The following NCAM2 variants were observed in gnomAD, a reference collection of about 807,000 sequenced individuals.
NCAM2 encodes the protein neural cell adhesion molecule 2.
NCAM2 carries 30 observed loss-of-function variants against 98.1 expected under a neutral mutation model. The ratio of observed to expected loss-of-function variants is 0.31; its 90% CI spans 0.23 to 0.41. NCAM2 has a LOEUF of 0.41. Among genes scored for constraint, NCAM2 ranks in the 10% least tolerant of loss-of-function variants. The pLI, the probability that NCAM2 is intolerant of heterozygous loss-of-function variation, is 1.00. For missense variants in NCAM2, 867 were observed against 1,005.8 expected, an observed-to-expected ratio of 0.86 and a Z score of 1.87; for synonymous variants, 368 against 342.4, an observed-to-expected ratio of 1.07 and a Z score of -0.83.
chr21:21,529,029 A>G (rs950437061), intron 16 of NCAM2, among the ~76,000 whole-genome samples: 4 of 152,128 alleles, frequency 2.6e-5, no homozygotes, highest in Non-Finnish European at 5.9e-5. Context: ...TATTTGAATC[A>G]TTTTCATCCT....
At chr21:21,140,368 G>T (rs1209514679) in intron 1 of NCAM2, among the ~76,000 whole-genome samples, 2 of 151,966 alleles carry the variant, frequency 1.3e-5, no homozygotes, top group African/African-American at 4.8e-5. Context: ...TGCACATCAG[G>T]GTCTCTGGGC....
chr21:21,282,359 T>C (rs1029124379), intron 2 of NCAM2, among the ~76,000 whole-genome samples: 15 of 151,922 alleles, frequency 9.9e-5, no homozygotes, highest in African/African-American at 3.6e-4. Flanking sequence ...TTAAAGTGAA[T>C]TAAGGCCATT....
chr21:21,232,633 G>C (rs1485270385), intron 1 of NCAM2, among the ~76,000 whole-genome samples: 6 of 151,488 alleles, frequency 4.0e-5, no homozygotes, highest in African/African-American at 1.5e-4. Context: ...CCATTAATAG[G>C]ACTAATTTTT....
chr21:21,225,487 G>A (rs1030261172), intron 1 of NCAM2, among the ~76,000 whole-genome samples: 2 of 151,998 alleles, frequency 1.3e-5, no homozygotes, highest in African/African-American at 4.8e-5. Context: ...GCAGTTTATA[G>A]AATTTCTCAA....
intron 9 of NCAM2, among the ~76,000 whole-genome samples, chr21:21,404,164 T>G (rs1298107289): frequency 6.6e-6 from 1 of 152,174 alleles, no homozygotes; most frequent in African/African-American, 2.4e-5. Flanking sequence ...ACAAATAAAA[T>G]AGATAACTCA....
chr21:21,155,212 C>T (rs1279845769), intron 1 of NCAM2, among the ~76,000 whole-genome samples: 1 of 150,776 alleles, frequency 6.6e-6, no homozygotes, highest in Admixed American at 6.7e-5. Flanking sequence ...AAAGGCACTT[C>T]AGAAAATGTT....
At chr21:21,188,250 T>C (rs1265752015) in intron 1 of NCAM2, among the ~76,000 whole-genome samples, 1 of 152,162 alleles carries the variant, frequency 6.6e-6, no homozygotes, top group Non-Finnish European at 1.5e-5. Flanking sequence ...AATAACTATT[T>C]AGATATAGGT....
chr21:21,314,297 C>A (rs1465164171), intron 5 of NCAM2, among the ~76,000 whole-genome samples: 1 of 152,022 alleles, frequency 6.6e-6, no homozygotes, highest in African/African-American at 2.4e-5. Context: ...CAGGTGTGTT[C>A]TTTCAGAACT....
intron 9 of NCAM2, among the ~76,000 whole-genome samples, chr21:21,389,178 C>T (rs953918879): frequency 1.3e-5 from 2 of 152,168 alleles, no homozygotes; most frequent in Non-Finnish European, 2.9e-5. Flanking sequence ...TGGGGGGAAG[C>T]CTTACAATCA....
rs369453911 is a variant in NCAM2 at position 21,286,327 on chromosome 21, A to G, written c.396A>G (p.Ala132=). ...AAGAATTCAAACAAGGAGAAGATGC[A>G]GAAGTGGTTTGCCGAGTTAGCAGTT... ...SPQEFKQGED[A]EVVCRVSSSP... is the part of the protein sequence containing the mutation. The change falls in exon 4 of 18, where the codon GCA becomes GCG. Residue 132 remains alanine (A), a synonymous_variant. Coordinates refer to ENST00000400546, the MANE Select transcript of NCAM2 (RefSeq NM_004540.5). 67 of 1,612,262 alleles carry G rather than the reference A, an allele frequency of 4.2e-5. No individual in the cohort carries two copies. The highest frequency in any genetic ancestry group is 5.5e-5 in the Non-Finnish European group (65 of 1,179,084).
At chr21:21,038,462 G>A (rs1163005934) in intron 1 of NCAM2, among the ~76,000 whole-genome samples, 1 of 152,078 alleles carries the variant, frequency 6.6e-6, no homozygotes, top group South Asian at 2.1e-4. Flanking sequence ...GAAGGGACCG[G>A]TGTGAGGTAA....
intron 5 of NCAM2, 111 bp downstream of exon 5, chr21:21,292,352 T>A: frequency 9.8e-7 from 1 of 1,019,840 alleles, no homozygotes; most frequent in Admixed American, 2.8e-5. Flanking sequence ...AAACCTCTTC[T>A]ATACCAGGAA....
At chr21:21,535,887 G>T (rs1989955446) in intron 17 of NCAM2, among the ~76,000 whole-genome samples, 1 of 152,086 alleles carries the variant, frequency 6.6e-6, no homozygotes, top group Non-Finnish European at 1.5e-5. Flanking sequence ...CGTAAGTGGT[G>T]AGAAATTCTA....
chr21:21,405,512 G>A (rs925541845), intron 9 of NCAM2, among the ~76,000 whole-genome samples: 18 of 152,194 alleles, frequency 1.2e-4, no homozygotes, highest in African/African-American at 4.3e-4. Flanking sequence ...TTTAAAAAGT[G>A]TCTTTAAAAT....
intron 8 of NCAM2, among the ~76,000 whole-genome samples, chr21:21,346,208 C>CAAAAAAAAAAAAAAA (rs57663409): frequency 1.8e-5 from 2 of 112,530 alleles, no homozygotes; most frequent in Non-Finnish European, 4.0e-5. Context: ...CAACTGAAAC[C>CAAAAAAAAAAAAAAA]AAAAAAAAAA....
chr21:21,523,259 T>G (rs1331071756), intron 16 of NCAM2, among the ~76,000 whole-genome samples: 1 of 152,134 alleles, frequency 6.6e-6, no homozygotes, highest in African/African-American at 2.4e-5. Flanking sequence ...CAAGAAATCT[T>G]TGCCCAGACC....
chr21:21,506,334 T>A (rs1194975140), intron 15 of NCAM2, among the ~76,000 whole-genome samples: 1 of 152,160 alleles, frequency 6.6e-6, no homozygotes, highest in African/African-American at 2.4e-5. Context: ...TATTTTCATA[T>A]AATCAAACAT....
At chr21:21,147,676 C>A (rs955585612) in intron 1 of NCAM2, among the ~76,000 whole-genome samples, 1 of 146,912 alleles carries the variant, frequency 6.8e-6, no homozygotes, top group Admixed American at 6.9e-5. Flanking sequence ...TACACACTAG[C>A]GCATATGCAC....
chr21:21,024,657 C>A (rs538180455), intron 1 of NCAM2, among the ~76,000 whole-genome samples: 13 of 152,060 alleles, frequency 8.5e-5, no homozygotes, highest in Non-Finnish European at 1.8e-4. Context: ...CGGATGATAA[C>A]CTCAGGTCAG....
Sources: allele counts gnomAD v4.1 joint callset (sites outside exome capture counted in the v4.1 genomes callset), GRCh38; gene constraint gnomAD v4.1.1; transcripts MANE v1.5; gene names NCBI Gene and HGNC (gene_info 2026-07-23, HGNC 2026-07-21).